WWOX: variants seen among roughly 807,000 people sequenced by gnomAD.
WWOX encodes WW domain-containing oxidoreductase.
A neutral mutation model predicts 46.2 loss-of-function variants in WWOX; 69 were observed. The ratio of observed to expected loss-of-function variants is 1.49; its 90% confidence interval spans 1.23 to 1.82. The LOEUF is 1.82. WWOX is among the 40% of genes most tolerant of loss of function. The probability of loss-of-function intolerance (pLI) is 0.00; values close to 1 mark genes in which losing one functional copy is unlikely to be tolerated. For synonymous variants in WWOX, 359 were observed against 202.6 expected (o/e 1.77, Z -6.56); for missense variants, 919 against 542.6 (o/e 1.69, Z -6.89).
At chr16:79,096,959 C>G (rs1401095354) in intron 8 of WWOX, among the ~76,000 whole-genome samples, 1 of 151,866 alleles carries the variant, frequency 6.6e-6, no homozygotes, top group East Asian at 1.9e-4. Context: ...GGGAGGGGGC[C>G]AGGAAGAAGC....
intron 8 of WWOX, among the ~76,000 whole-genome samples, chr16:78,478,202 C>A (rs1049731583): frequency 2.0e-5 from 3 of 152,080 alleles, no homozygotes; most frequent in African/African-American, 7.2e-5. Context: ...ATGATAAATA[C>A]AAGTAGTAGC....
chr16:78,260,350 C>G (rs571828140), intron 5 of WWOX, among the ~76,000 whole-genome samples: 5 of 151,700 alleles, frequency 3.3e-5, no homozygotes, highest in African/African-American at 1.2e-4. Flanking sequence ...CCTGAAAGAT[C>G]GAAGCCAGAT....
intron 8 of WWOX, among the ~76,000 whole-genome samples, chr16:79,133,319 C>A (rs2049918949): frequency 6.6e-6 from 1 of 152,192 alleles, no homozygotes; most frequent in South Asian, 2.1e-4. Context: ...AACAATTTTC[C>A]ACCTTGCCAA....
At chr16:79,000,167 C>T (rs1454167233) in intron 8 of WWOX, among the ~76,000 whole-genome samples, 1 of 152,150 alleles carries the variant, frequency 6.6e-6, no homozygotes, top group African/African-American at 2.4e-5. Flanking sequence ...TCCCTGCACC[C>T]CTTCACTGGG....
chr16:78,947,298 C>T (rs977497891), intron 8 of WWOX, among the ~76,000 whole-genome samples: 2 of 152,178 alleles, frequency 1.3e-5, no homozygotes, highest in African/African-American at 4.8e-5. Flanking sequence ...CTGCCTGAAG[C>T]AATAAAGGCA....
At chr16:79,008,667 A>G (rs2047239336) in intron 8 of WWOX, among the ~76,000 whole-genome samples, 3 of 152,298 alleles carry the variant, frequency 2.0e-5, no homozygotes. Context: ...ACACCAGGTC[A>G]TACTGATGTC....
At chr16:78,136,747 A>G (rs1320004263) in intron 4 of WWOX, among the ~76,000 whole-genome samples, 1 of 152,232 alleles carries the variant, frequency 6.6e-6, no homozygotes, top group Non-Finnish European at 1.5e-5. Context: ...ACTGAGCAGT[A>G]AGACCACCCA....
At chr16:78,893,706 C>T (rs1203996047) in intron 8 of WWOX, among the ~76,000 whole-genome samples, 2 of 152,200 alleles carry the variant, frequency 1.3e-5, no homozygotes, top group Non-Finnish European at 2.9e-5. Context: ...TCTAGCACTT[C>T]TGTGAACTCA....
intron 8 of WWOX, among the ~76,000 whole-genome samples, chr16:79,078,892 A>G (rs140812952): frequency 4.3e-4 from 66 of 152,340 alleles, no homozygotes; most frequent in Admixed American, 3.2e-3. Context: ...TAGGTGCTCA[A>G]TAAATACTTC....
chr16:78,602,639 G>A (rs975128043), intron 8 of WWOX, among the ~76,000 whole-genome samples: 10 of 152,140 alleles, frequency 6.6e-5, no homozygotes, highest in Non-Finnish European at 1.3e-4. Context: ...ATATCCTTCC[G>A]GCCAGGTTTT....
chr16:78,896,910 G>T (rs993659279), intron 8 of WWOX: 16 of 151,556 alleles, frequency 1.1e-4, no homozygotes, highest in East Asian at 1.9e-4. Context: ...CATAATCATG[G>T]ATCCACCACC....
chr16:78,144,627 T>C (rs1333224480), intron 4 of WWOX, among the ~76,000 whole-genome samples: 1 of 147,520 alleles, frequency 6.8e-6, no homozygotes, highest in African/African-American at 2.5e-5. Flanking sequence ...GTTCAAGCAA[T>C]TCTCCTGCCT....
intron 8 of WWOX, among the ~76,000 whole-genome samples, chr16:78,484,003 GACATAA>G: frequency 6.6e-6 from 1 of 152,132 alleles, no homozygotes; most frequent in African/African-American, 2.4e-5. Flanking sequence ...TTACTTTTTA[GACATAA>G]TTTTTGTTTT....
At chr16:78,596,757 A>G (rs568654068) in intron 8 of WWOX, among the ~76,000 whole-genome samples, 3 of 152,292 alleles carry the variant, frequency 2.0e-5, no homozygotes, top group South Asian at 2.1e-4. Flanking sequence ...CGAAGGGTGC[A>G]TGGTGAGTAC....
rs139033123 is a variant in WWOX at position 78,198,712 on chromosome 16, T to C, written c.516+34423T>C. Among the ~76,000 whole-genome samples, 36 of 152,348 alleles carry C rather than the reference T, an allele frequency of 2.4e-4. No individual in the cohort carries two copies. In the East Asian group the frequency reaches 6.8e-3, roughly 29 times the overall value. ...AGCTCATTTTTACCATCTTCCCTAG[T>C]TGTATCACCTTCCTCCCATTATGTT... On this transcript the variant is annotated intron_variant, in intron 5 of 8. Transcript: ENST00000566780.
chr16:78,869,625 T>C (rs1322866229), intron 8 of WWOX, among the ~76,000 whole-genome samples: 1 of 152,130 alleles, frequency 6.6e-6, no homozygotes, highest in Non-Finnish European at 1.5e-5. Flanking sequence ...AAGGGTGTCA[T>C]GATGGGTTAC....
intron 8 of WWOX, among the ~76,000 whole-genome samples, chr16:78,842,385 C>T (rs2052177263): frequency 6.6e-6 from 1 of 151,222 alleles, no homozygotes; most frequent in South Asian, 2.1e-4. Flanking sequence ...CACCTGTAGG[C>T]TGAGCTGCTC....
chr16:79,206,384 C>G (rs1338697668), intron 8 of WWOX: 1 of 152,234 alleles, frequency 6.6e-6, no homozygotes, highest in Non-Finnish European at 1.5e-5. Context: ...AAGTCACTCA[C>G]TCTACGTAAT....
chr16:78,899,729 T>G (rs1320856545), intron 8 of WWOX: 1 of 152,184 alleles, frequency 6.6e-6, no homozygotes, highest in Admixed American at 6.5e-5. Flanking sequence ...TTTTAAAAGT[T>G]TAAGGAGATC....
Sources: gnomAD v4.1 joint callset for allele counts (sites outside exome capture counted in the v4.1 genomes callset) on GRCh38, gnomAD v4.1.1 for gene constraint, MANE v1.5 for transcripts, NCBI Gene and HGNC (gene_info 2026-07-23, HGNC 2026-07-21) for gene names.